TMTC2: variants seen among roughly 807,000 people sequenced by gnomAD.
The protein encoded by TMTC2 is transmembrane O-mannosyltransferase targeting cadherins 2.
Under a neutral mutation model 82.4 loss-of-function variants are expected in TMTC2, and 43 were observed. The ratio of observed to expected loss-of-function variants is 0.52; its 90% CI spans 0.41 to 0.67. TMTC2 has a LOEUF of 0.67. Among genes scored for constraint, TMTC2 ranks in the 30% least tolerant of loss-of-function variants. TMTC2 has a pLI of 0.00. For missense variants in TMTC2, 919 were observed against 1,012.4 expected, an observed-to-expected ratio of 0.91 and a Z score of 1.25; for synonymous variants, 408 against 381.9, an observed-to-expected ratio of 1.07 and a Z score of -0.80.
At chr12:82,877,652 T>C (rs1429478862) in intron 2 of TMTC2, among the ~76,000 whole-genome samples, 1 of 152,132 alleles carries the variant, frequency 6.6e-6, no homozygotes, top group Admixed American at 6.5e-5. Flanking sequence ...ACTATATTCT[T>C]CTCCTGTTCT....
rs573790051 is a variant in TMTC2, at chr12:82,780,302, T to G, written c.84-76708T>G. On this transcript the variant is annotated intron_variant, in intron 1 of 11. Coordinates refer to ENST00000321196, the MANE Select transcript of TMTC2 (RefSeq NM_152588.3). ...TGACCATTCTGATATCTAAGAAAAATAGCTTTCTCCAGCTTCAAATAGAAA... is the reference window on the plus strand; with the variant it reads ...TGACCATTCTGATATCTAAGAAAAAGAGCTTTCTCCAGCTTCAAATAGAAA... 1.2e-3 allele frequency among the ~76,000 whole-genome samples: 183 copies of G among 152,152 alleles called. 3 individuals carry two copies. Among genetic ancestry groups the G allele is most frequent in the Non-Finnish European group, 2.4e-3 (160 of 68,032 alleles).
intron 1 of TMTC2, among the ~76,000 whole-genome samples, chr12:82,821,981 C>A (rs765843678): frequency 6.6e-6 from 1 of 151,426 alleles, no homozygotes; most frequent in Admixed American, 6.6e-5. Flanking sequence ...GAGTATTATT[C>A]AGTGCTACAA....
chr12:82,852,319 G>A (rs539524920), intron 1 of TMTC2, among the ~76,000 whole-genome samples: 6 of 152,156 alleles, frequency 3.9e-5, no homozygotes, highest in Non-Finnish European at 8.8e-5. Flanking sequence ...GTGTTAGCCA[G>A]GATGGTCTCG....
At chr12:82,841,111 G>A (rs748614089) in intron 1 of TMTC2, among the ~76,000 whole-genome samples, 9 of 152,208 alleles carry the variant, frequency 5.9e-5, no homozygotes, top group Non-Finnish European at 1.3e-4. Flanking sequence ...GGACATGTTA[G>A]TGCTTCATAA....
intron 1 of TMTC2, among the ~76,000 whole-genome samples, chr12:82,778,820 G>T (rs1192663061): frequency 9.3e-6 from 1 of 107,588 alleles, no homozygotes; most frequent in Non-Finnish European, 1.7e-5. Flanking sequence ...CTGCACTCCA[G>T]CCTAGGCGAC....
intron 1 of TMTC2, among the ~76,000 whole-genome samples, chr12:82,773,379 C>A (rs1280130326): frequency 6.6e-6 from 1 of 151,770 alleles, no homozygotes; most frequent in African/African-American, 2.4e-5. Context: ...TTGGAGTTGC[C>A]TAGGTAGTGG....
At chr12:83,021,349 C>T (rs993405016) in intron 8 of TMTC2, among the ~76,000 whole-genome samples, 3 of 152,096 alleles carry the variant, frequency 2.0e-5, no homozygotes, top group Non-Finnish European at 2.9e-5. Flanking sequence ...ACATAGGCAC[C>T]TTCCTATCAA....
chr12:83,064,649 A>G (rs1882855373), intron 11 of TMTC2, among the ~76,000 whole-genome samples: 1 of 151,872 alleles, frequency 6.6e-6, no homozygotes, highest in African/African-American at 2.4e-5. Context: ...AATTTCTCCC[A>G]TCTAAGTACT....
Position 82,765,625 on chromosome 12 carries a change from G to T in TMTC2, c.83+77956G>T, listed in dbSNP as rs141709247. On this transcript the variant is annotated intron_variant, in intron 1 of 11. Coordinates refer to ENST00000321196, the MANE Select transcript of TMTC2 (RefSeq NM_152588.3). The stretch of plus-strand genomic sequence containing the variant: ...GAAGGCAGAGGTTGAGGTGAACCAA[G>T]ATTGCACCATTGCACTCTAGCTTTG... Among the ~76,000 whole-genome samples the T allele has an allele frequency of 3.9e-5, 6 of 151,968 alleles. No individual in the cohort carries two copies. In the East Asian group the frequency reaches 1.2e-3, roughly 29 times the overall value.
chr12:82,988,514 G>A (rs1277133296), intron 8 of TMTC2, among the ~76,000 whole-genome samples: 1 of 152,042 alleles, frequency 6.6e-6, no homozygotes, highest in Non-Finnish European at 1.5e-5. Flanking sequence ...CCCTTAAGAG[G>A]TAGAACAAGT....
intron 9 of TMTC2, among the ~76,000 whole-genome samples, chr12:83,036,125 A>G (rs552382043): frequency 1.3e-3 from 198 of 152,168 alleles, no homozygotes; most frequent in Admixed American, 2.7e-3. Context: ...TAATGGTGAC[A>G]TAATTCATTT....
At chr12:82,768,980 C>T (rs1408120745) in intron 1 of TMTC2, among the ~76,000 whole-genome samples, 1 of 151,900 alleles carries the variant, frequency 6.6e-6, no homozygotes, top group African/African-American at 2.4e-5. Flanking sequence ...GAGAGCCTGT[C>T]TAGCTGCTAT....
chr12:82,888,239 G>A (rs1873204560), intron 2 of TMTC2, among the ~76,000 whole-genome samples: 1 of 152,172 alleles, frequency 6.6e-6, no homozygotes, highest in South Asian at 2.1e-4. Context: ...TACAGATGCA[G>A]TAATTTTCCC....
intron 1 of TMTC2, among the ~76,000 whole-genome samples, chr12:82,833,457 G>A (rs1370679206): frequency 1.3e-5 from 2 of 152,178 alleles, no homozygotes; most frequent in African/African-American, 4.8e-5. Flanking sequence ...GCTCTGACAA[G>A]TCTATGCTCT....
intron 3 of TMTC2, among the ~76,000 whole-genome samples, chr12:82,923,140 A>T (rs1419209383): frequency 6.6e-6 from 1 of 150,914 alleles, no homozygotes; most frequent in Non-Finnish European, 1.5e-5. Context: ...CTTCCCCAAC[A>T]TCCCTACCAG....
chr12:82,820,439 C>T (rs1348998566), intron 1 of TMTC2, among the ~76,000 whole-genome samples: 2 of 151,114 alleles, frequency 1.3e-5, no homozygotes, highest in Admixed American at 6.6e-5. Flanking sequence ...GGAGTGATCT[C>T]GGCTCTACTG....
intron 11 of TMTC2, among the ~76,000 whole-genome samples, chr12:83,106,218 A>C (rs550740692): frequency 1.4e-3 from 207 of 152,322 alleles, no homozygotes; most frequent in Non-Finnish European, 2.5e-3. Flanking sequence ...AATAGTGACT[A>C]TCTTGGAATT....
chr12:82,968,971 GTGAAGGTC>G (rs1161806750), intron 7 of TMTC2, among the ~76,000 whole-genome samples: 2 of 152,074 alleles, frequency 1.3e-5, no homozygotes, highest in Non-Finnish European at 2.9e-5. Context: ...TTAATTTTAT[GTGAAGGTC>G]TGCTAGCCAA....
intron 1 of TMTC2, among the ~76,000 whole-genome samples, chr12:82,833,756 G>A (rs1869878266): frequency 1.3e-5 from 2 of 152,274 alleles, no homozygotes; most frequent in South Asian, 2.1e-4. Flanking sequence ...ACTCAAGGCT[G>A]TTATCCATTA....
Sources: allele counts gnomAD v4.1 joint callset (sites outside exome capture counted in the v4.1 genomes callset), GRCh38; gene constraint gnomAD v4.1.1; transcripts MANE v1.5; gene names NCBI Gene and HGNC (gene_info 2026-07-23, HGNC 2026-07-21).